The following CCDC178 variants were observed in gnomAD, a reference collection of about 807,000 sequenced individuals.
CCDC178 encodes coiled-coil domain containing 178.
In CCDC178, 126 loss-of-function variants were observed where a neutral mutation model predicts 117.4. That is an observed-to-expected ratio of 1.07 (90% confidence interval 0.93 to 1.24). CCDC178 has a LOEUF of 1.24. Ranked by LOEUF, CCDC178 falls within the 50% of genes most tolerant of loss-of-function variation. The probability of loss-of-function intolerance (pLI) is 0.00; values close to 1 mark genes in which losing one functional copy is unlikely to be tolerated. For synonymous variants in CCDC178, 283 were observed against 313.4 expected (o/e 0.90, Z 1.02); for missense variants, 1,030 against 986.9 (o/e 1.04, Z -0.59).
At chr18:33,105,514 T>C (rs1310898476) in intron 20 of CCDC178, among the ~76,000 whole-genome samples, 2 of 151,642 alleles carry the variant, frequency 1.3e-5, no homozygotes, top group African/African-American at 4.8e-5. Flanking sequence ...ATTTTTATAT[T>C]TTAAAAGTGT....
Position 33,361,034 on chromosome 18 carries a change from A to G in CCDC178, c.349-4688T>C, listed in dbSNP as rs549905849. The stretch of plus-strand genomic sequence containing the variant: ...CCATAAAAAAACACCAAAAGTCCCA[A>G]CAATACTGAGGAAAAAAGGTAATGT... On this transcript the variant is annotated intron_variant, in intron 6 of 22. Coordinates refer to ENST00000383096, the MANE Select transcript of CCDC178 (RefSeq NM_001105528.4). Among the ~76,000 whole-genome samples the G allele has an allele frequency of 9.2e-5, 14 of 151,786 alleles. No individual in the cohort carries two copies. The East Asian group carries it at 2.7e-3, about 29-fold the overall frequency.
chr18:32,941,130 C>T (rs1319702013), intron 22 of CCDC178, among the ~76,000 whole-genome samples: 2 of 151,566 alleles, frequency 1.3e-5, no homozygotes. Context: ...TTAGACCTCA[C>T]AGTACCAAGG....
chr18:33,045,776 C>G (rs1426795038), intron 21 of CCDC178, among the ~76,000 whole-genome samples: 1 of 152,154 alleles, frequency 6.6e-6, no homozygotes, highest in African/African-American at 2.4e-5. Context: ...AAAAGTCTTA[C>G]AATACTTAGG....
At position 33,387,863 on chromosome 18, in the gene CCDC178, G is replaced by T. The variant is rs867066136; in HGVS notation, c.208+1677C>A. ...AACAAAAGCCAAAATTTACAAATGA[G>T]ATCTAATTAAACTACAGAGCTTCTG... On this transcript the variant is annotated intron_variant, in intron 5 of 22. Coordinates refer to ENST00000383096, the MANE Select transcript of CCDC178 (RefSeq NM_001105528.4). Among the ~76,000 whole-genome samples, 4 of 152,232 alleles carry T rather than the reference G, an allele frequency of 2.6e-5. No individual in the cohort carries two copies. The East Asian group carries it at 7.7e-4, about 29-fold the overall frequency.
At chr18:33,404,843 G>C (rs1345173626) in intron 3 of CCDC178, among the ~76,000 whole-genome samples, 3 of 151,988 alleles carry the variant, frequency 2.0e-5, no homozygotes, top group Non-Finnish European at 4.4e-5. Context: ...TATCTTGGTT[G>C]AAAAGGTGAA....
intron 20 of CCDC178, among the ~76,000 whole-genome samples, chr18:33,193,301 C>T (rs1275057152): frequency 2.4e-5 from 3 of 124,394 alleles, no homozygotes; most frequent in African/African-American, 8.8e-5. Flanking sequence ...AAAGACAAAT[C>T]TAATAAAGAG....
At chr18:33,407,696 G>T (rs1332324013) in intron 3 of CCDC178, among the ~76,000 whole-genome samples, 1 of 151,914 alleles carries the variant, frequency 6.6e-6, no homozygotes, top group African/African-American at 2.4e-5. Context: ...TAACCAAATA[G>T]ATTTTTAAAA....
intron 10 of CCDC178, among the ~76,000 whole-genome samples, chr18:33,330,628 TG>T (rs1481189678): frequency 6.6e-6 from 1 of 151,958 alleles, no homozygotes; most frequent in Admixed American, 6.6e-5. Context: ...GCGAGGAAGA[TG>T]GGGGAGAGAG....
chr18:33,210,853 A>C (rs2059098798), intron 20 of CCDC178, among the ~76,000 whole-genome samples: 1 of 152,068 alleles, frequency 6.6e-6, no homozygotes, highest in Admixed American at 6.6e-5. Flanking sequence ...GCCACATTTA[A>C]AATAGAAGAA....
intron 10 of CCDC178, among the ~76,000 whole-genome samples, chr18:33,324,704 A>C (rs1248969091): frequency 7.6e-6 from 1 of 131,112 alleles, no homozygotes; most frequent in Non-Finnish European, 1.8e-5. Context: ...CATTTTTACT[A>C]CAATAAGCCT....
At chr18:33,160,968 A>T (rs980268093) in intron 20 of CCDC178, among the ~76,000 whole-genome samples, 5 of 152,142 alleles carry the variant, frequency 3.3e-5, no homozygotes, top group African/African-American at 1.2e-4. Flanking sequence ...GAATGGCAAC[A>T]ATGTCCCCAA....
chr18:33,339,863 C>A (rs986318477), intron 9 of CCDC178, among the ~76,000 whole-genome samples: 4 of 152,092 alleles, frequency 2.6e-5, no homozygotes, highest in Non-Finnish European at 4.4e-5. Context: ...CTCCATTAAA[C>A]CTCTCTTTCT....
At chr18:33,142,372 CT>C (rs894373244) in intron 20 of CCDC178, among the ~76,000 whole-genome samples, 2 of 152,160 alleles carry the variant, frequency 1.3e-5, no homozygotes, top group Non-Finnish European at 2.9e-5. Context: ...GCTATTACTT[CT>C]TTTTTATGTC....
chr18:33,272,819 A>C (rs1189806252), intron 12 of CCDC178, among the ~76,000 whole-genome samples: 1 of 151,524 alleles, frequency 6.6e-6, no homozygotes, highest in Non-Finnish European at 1.5e-5. Flanking sequence ...CAATGAATGT[A>C]GAAAAATCAT....
At chr18:33,104,595 C>T (rs1162526450) in intron 20 of CCDC178, among the ~76,000 whole-genome samples, 1 of 151,678 alleles carries the variant, frequency 6.6e-6, no homozygotes, top group African/African-American at 2.4e-5. Flanking sequence ...TTTCTTCCCA[C>T]ATTAAGGTGT....
intron 14 of CCDC178, among the ~76,000 whole-genome samples, chr18:33,263,713 C>G (rs753720362): frequency 5.9e-5 from 9 of 152,042 alleles, no homozygotes; most frequent in Non-Finnish European, 1.2e-4. Flanking sequence ...TCTTAAGGCA[C>G]TGGAACTTTT....
intron 21 of CCDC178, among the ~76,000 whole-genome samples, chr18:33,033,127 T>C (rs1046145607): frequency 3.3e-5 from 5 of 152,084 alleles, no homozygotes; most frequent in Admixed American, 2.0e-4. Flanking sequence ...TCATTTCTGT[T>C]ACCATAAATT....
rs769402517 is a variant in CCDC178, at chr18:33,267,269, T to C, written c.1205A>G (p.Gln402Arg). The change falls in exon 13 of 23, where the codon CAA becomes CGA. Residue 402 changes from glutamine (Q) to arginine (R), a missense_variant. Coordinates refer to ENST00000383096, the MANE Select transcript of CCDC178 (RefSeq NM_001105528.4). The stretch of plus-strand genomic sequence containing the variant: ...ATGACTTTTTTGCTTCCAGGTTAGT[T>C]GGTCATAAACTCTTCTCAAATCTTC... ...MLEDLRRVYD[Q>R]LTWKQKSHEN... is the part of the protein sequence containing the mutation. 2 of 1,605,488 alleles carry C rather than the reference T, an allele frequency of 1.2e-6. No individual in the cohort carries two copies. Among genetic ancestry groups the C allele is most frequent in the South Asian group, 1.1e-5 (1 of 89,476 alleles).
At chr18:33,403,462 C>G (rs964364936) in intron 3 of CCDC178, among the ~76,000 whole-genome samples, 3 of 149,152 alleles carry the variant, frequency 2.0e-5, no homozygotes, top group African/African-American at 7.5e-5. Flanking sequence ...TTTAAATGCC[C>G]AGTTTTCAAC....
Sources: gnomAD v4.1 joint callset for allele counts (sites outside exome capture counted in the v4.1 genomes callset) on GRCh38, gnomAD v4.1.1 for gene constraint, MANE v1.5 for transcripts, NCBI Gene and HGNC (gene_info 2026-07-23, HGNC 2026-07-21) for gene names.